The following RCN3 variants were observed in gnomAD, a reference collection of about 807,000 sequenced individuals.
The protein encoded by RCN3 is reticulocalbin-3.
RCN3 carries 41 observed loss-of-function variants against 35.9 expected under a neutral mutation model. The observed-to-expected ratio is 1.14, with a 90% CI of 0.89 to 1.48. RCN3 has a LOEUF of 1.48. Ranked by LOEUF, RCN3 falls within the 40% of genes most tolerant of loss-of-function variation. The probability of loss-of-function intolerance (pLI) is 0.00; values close to 1 mark genes in which losing one functional copy is unlikely to be tolerated. For missense variants in RCN3, 451 were observed against 471.3 expected (o/e 0.96, Z 0.40); for synonymous variants, 187 against 193.4 (o/e 0.97, Z 0.27).
intron 2 of RCN3, among the ~76,000 whole-genome samples, chr19:49,532,997 C>T (rs1333604447): frequency 6.6e-6 from 1 of 152,186 alleles, no homozygotes; most frequent in African/African-American, 2.4e-5. Context: ...CTTTACATGG[C>T]CTAACTCATT....
At position 49,534,199 on chromosome 19, in the gene RCN3, C is replaced by G; in HGVS notation, c.249C>G (p.Ile83Met). 1.3e-6 allele frequency: 2 copies of G among 1,493,484 alleles called. No homozygotes were observed. Among genetic ancestry groups the G allele is most frequent in the Non-Finnish European group, 1.8e-6 (2 of 1,127,986 alleles). 92.5% of individuals were successfully genotyped at this position (1,493,484 alleles called of 1,614,324 possible). A position where few individuals can be genotyped will look rare whatever the true frequency, so the allele number is the denominator to read the frequency against. ...TGCCCGCCCCGGCTTCTAGGCGGAT[C>G]GTGGACCGCATGGACCGCGCGGGGG... is the stretch of plus-strand genomic sequence containing the variant. ...PEESQARLGR[I>M]VDRMDRAGDG... Residue 83 changes from isoleucine to methionine, a missense_variant, in exon 3 of 7, where the codon ATC becomes ATG. Transcript: ENST00000270645.
chr19:49,528,497 C>G lies in RCN3; in HGVS notation c.25C>G (p.Leu9Val), dbSNP rs2080092513. The G allele has an allele frequency of 6.5e-7, 1 of 1,533,316 alleles. No homozygotes were observed. Among genetic ancestry groups the G allele is most frequent in the Non-Finnish European group, 8.8e-7 (1 of 1,141,330 alleles). The allele number at this position is 1,533,316 out of a possible 1,614,324, so 95.0% of individuals were successfully genotyped here. MMWRPSVL[L>V]LLLLLRHGAQ... is the part of the protein sequence containing the mutation. ...GATGATGTGGCGACCATCAGTTCTG[C>G]TGCTTCTGTTGCTACTGAGGCACGG... Residue 9 changes from leucine (L) to valine (V), a missense_variant, in exon 2 of 7, where the codon CTG (leucine) becomes GTG (valine). Physicochemically the swap from Leu to Val is conservative, Grantham distance 32. Coordinates refer to ENST00000270645, the MANE Select transcript of RCN3 (RefSeq NM_020650.3).
In RCN3 at chr19:49,543,287, C is replaced by A; in HGVS notation, c.*74C>A. On this transcript the variant is annotated 3_prime_UTR_variant, in exon 7 of 7. Coordinates refer to ENST00000270645, the MANE Select transcript of RCN3 (RefSeq NM_020650.3). ...AGGGGCCGCTGTGGTCTGGCCCCCT[C>A]CCTGTCCAGGCCCCGCAGGAGGCAG... 8.2e-7 allele frequency: 1 copy of A among 1,218,266 alleles called. No homozygotes were observed. The highest frequency in any genetic ancestry group is 1.2e-6 in the Non-Finnish European group (1 of 838,424). The allele number at this position is 1,218,266 out of a possible 1,614,324, so 75.5% of individuals were successfully genotyped here.
rs751771645 is a variant in RCN3 at position 49,537,140 on chromosome 19, C to T, written c.553C>T (p.Arg185Ter). The T allele has an allele frequency of 1.4e-5, 22 of 1,596,250 alleles. No homozygotes were observed. The African/African-American group carries it at 1.6e-4, about 12-fold the overall frequency. Residue 185 changes from arginine to a stop codon, truncating the protein, a stop_gained, in exon 4 of 7, where the codon CGA becomes TGA. Coordinates refer to ENST00000270645, the MANE Select transcript of RCN3 (RefSeq NM_020650.3). LOFTEE classifies it high-confidence loss of function. Reference sequence around the variant, plus strand: ...CCAGGATGGGGACTCGATGGCCACTCGAGAGGAGCTGACAGCCTTCCTGCA... The same window carrying T: ...CCAGGATGGGGACTCGATGGCCACTTGAGAGGAGCTGACAGCCTTCCTGCA... ...ADQDGDSMAT[R>*]EELTAFLHPE... is the part of the protein sequence containing the mutation.
rs2080123853 is a variant in RCN3 at position 49,534,290 on chromosome 19, A to C, written c.340A>C (p.Ile114Leu). Residue 114 changes from isoleucine (I) to leucine (L), a missense_variant, in exon 3 of 7, where the codon ATA (isoleucine) becomes CTA (leucine). Transcript: ENST00000270645. The part of the protein sequence containing the change: ...AWIAHTQQRH[I>L]RDSVSAAWDT... ...GATCGCGCACACGCAGCAGCGGCAC[A>C]TACGGGACTCGGTGAGCGCGGCCTG... is the stretch of plus-strand genomic sequence containing the variant. 6.7e-7 allele frequency: 1 copy of C among 1,483,756 alleles called. No homozygotes were observed. The highest frequency in any genetic ancestry group is 1.5e-5 in the African/African-American group (1 of 68,768). The allele number at this position is 1,483,756 out of a possible 1,614,324, so 91.9% of individuals were successfully genotyped here.
At chr19:49,542,077 T>A (rs1244389369) in intron 5 of RCN3, among the ~76,000 whole-genome samples, 9 of 148,162 alleles carry the variant, frequency 6.1e-5, no homozygotes, top group South Asian at 2.1e-4. Flanking sequence ...AAAAAAAAAA[T>A]TTGTAGAAAC....
At chr19:49,542,969 C>CAG (rs112443336) in intron 6 of RCN3, 137 bp from the exon 7 acceptor site, 62,309 of 845,986 alleles carry the variant, frequency 0.074, 3,047 homozygotes, top group African/African-American at 0.17. Context: ...GGGACCAAGA[C>CAG]GGGGACAGAT....
intron 5 of RCN3, among the ~76,000 whole-genome samples, chr19:49,540,675 G>A (rs993680479): frequency 2.0e-5 from 3 of 151,282 alleles, no homozygotes; most frequent in African/African-American, 7.3e-5. Flanking sequence ...GGAGTGCAGT[G>A]GGGTGATCTT....
At chr19:49,540,017 C>T (rs910500517) in intron 5 of RCN3, among the ~76,000 whole-genome samples, 1 of 152,048 alleles carries the variant, frequency 6.6e-6, no homozygotes, top group African/African-American at 2.4e-5. Flanking sequence ...GCAACCACGC[C>T]CGGCCAGGAA....
Position 49,537,057 on chromosome 19 carries a change from A to G in RCN3, c.470A>G (p.Asp157Gly), listed in dbSNP as rs372578792. Residue 157 changes from aspartate to glycine, a missense_variant, in exon 4 of 7, where the codon GAT (aspartate) becomes GGT (glycine). Physicochemically the swap from Asp to Gly is moderately conservative, Grantham distance 94. Coordinates refer to ENST00000270645, the MANE Select transcript of RCN3 (RefSeq NM_020650.3). ...APGEEFHDVEDAETYKKMLAR... is the reference protein window; with the variant it reads ...APGEEFHDVEGAETYKKMLAR... ...GGTGAAGAATTTCATGACGTGGAGG[A>G]TGCAGAGACCTACAAAAAGATGCTG... 27 of 1,570,986 alleles carry G rather than the reference A, an allele frequency of 1.7e-5. No individual in the cohort carries two copies. The highest frequency in any genetic ancestry group is 2.2e-5 in the Non-Finnish European group (26 of 1,155,786).
intron 2 of RCN3, among the ~76,000 whole-genome samples, chr19:49,533,315 A>C (rs1305132189): frequency 2.0e-5 from 3 of 151,788 alleles, no homozygotes; most frequent in Non-Finnish European, 4.4e-5. Flanking sequence ...GCTGTCTCGG[A>C]TTTTCGACTT....
In RCN3 at chr19:49,537,149, C is replaced by T. The variant is rs1457632028; in HGVS notation, c.562C>T (p.Leu188=). 1.0e-5 allele frequency: 16 copies of T among 1,591,934 alleles called. No homozygotes were observed. The highest frequency in any genetic ancestry group is 1.4e-5 in the African/African-American group (1 of 73,534). The change falls in exon 4 of 7, where the codon CTG becomes TTG. Residue 188 remains leucine, a synonymous_variant. Coordinates refer to ENST00000270645, the MANE Select transcript of RCN3 (RefSeq NM_020650.3). ...DGDSMATREE[L]TAFLHPEEFP... is the part of the protein sequence containing the mutation. ...GGACTCGATGGCCACTCGAGAGGAG[C>T]TGACAGCCTTCCTGCACCCCGAGGA...
At chr19:49,539,251 C>A in intron 5 of RCN3, 72 bp downstream of exon 5, 1 of 1,234,598 alleles carries the variant, frequency 8.1e-7, no homozygotes, top group Non-Finnish European at 1.2e-6. Flanking sequence ...TGGGGGTAGC[C>A]GGAGGTACAT....
intron 4 of RCN3, among the ~76,000 whole-genome samples, chr19:49,538,314 C>T (rs113367289): frequency 0.088 from 13,362 of 151,422 alleles, 698 homozygotes; most frequent in African/African-American, 0.14. Context: ...AGGCGCATGC[C>T]GCCATGCCCG....
intron 5 of RCN3, among the ~76,000 whole-genome samples, chr19:49,539,718 ATTTTTTTTTTT>A (rs58021494): frequency 6.7e-5 from 8 of 119,198 alleles, no homozygotes; most frequent in African/African-American, 2.6e-4. Context: ...CTAACAAGGA[ATTTTTTTTTTT>A]TTTTTTTTTT....
intron 4 of RCN3, among the ~76,000 whole-genome samples, chr19:49,538,634 T>C (rs74504832): frequency 0.023 from 3,485 of 152,032 alleles, 55 homozygotes; most frequent in Non-Finnish European, 0.036. Flanking sequence ...GTGAATGAGT[T>C]TGGATATAAA....
chr19:49,531,369 T>G (rs924235652), intron 2 of RCN3, among the ~76,000 whole-genome samples: 2 of 152,164 alleles, frequency 1.3e-5, no homozygotes, highest in African/African-American at 4.8e-5. Context: ...TCCCAGCACT[T>G]TGGGAGTCCA....
chr19:49,537,291 T>A, intron 4 of RCN3, 86 bp downstream of exon 4: 1 of 1,291,944 alleles, frequency 7.7e-7, no homozygotes, highest in Non-Finnish European at 1.0e-6. Context: ...AGCACCGACC[T>A]GGGGGCAGGC....
intron 3 of RCN3, among the ~76,000 whole-genome samples, chr19:49,535,962 A>G (rs1325701631): frequency 6.7e-6 from 1 of 148,556 alleles, no homozygotes; most frequent in Non-Finnish European, 1.5e-5. Context: ...AAATATATAT[A>G]CAAATTATAT....
Sources: allele counts gnomAD v4.1 joint callset (sites outside exome capture counted in the v4.1 genomes callset), GRCh38; gene constraint gnomAD v4.1.1; transcripts MANE v1.5; gene names NCBI Gene and HGNC (gene_info 2026-07-23, HGNC 2026-07-21).